FBXL18: variants seen among roughly 807,000 people sequenced by gnomAD.
FBXL18 encodes the protein F-box/LRR-repeat protein 18.
FBXL18 carries 36 observed loss-of-function variants against 46.0 expected under a neutral mutation model. That is an observed-to-expected ratio of 0.78 (90% CI 0.60 to 1.03). The LOEUF (loss-of-function observed/expected upper bound fraction) is 1.03. Among genes scored for constraint, FBXL18 ranks in the 50% least tolerant of loss-of-function variants. The pLI is 0.00. For missense variants in FBXL18, 977 were observed against 1,004.1 expected, an observed-to-expected ratio of 0.97 and a Z score of 0.36; for synonymous variants, 557 against 465.3, an observed-to-expected ratio of 1.20 and a Z score of -2.54.
intron 1 of FBXL18, among the ~76,000 whole-genome samples, chr7:5,510,223 A>T (rs1784494660): frequency 6.6e-6 from 1 of 150,744 alleles, no homozygotes; most frequent in East Asian, 1.9e-4. Flanking sequence ...GAATTGCTTG[A>T]ACCGAGGAGG....
chr7:5,501,599 C>A lies in FBXL18; in HGVS notation c.670G>T (p.Val224Leu). ...SGQLMVGQSN[V>L]PHYQNLRVFY... ...ACCCGCAGGTTCTGGTAGTGCGGCACGTTGCTCTGGCCCACCATAAGCTGG... is the reference window on the plus strand; with the variant it reads ...ACCCGCAGGTTCTGGTAGTGCGGCAAGTTGCTCTGGCCCACCATAAGCTGG... Residue 224 changes from valine to leucine, a missense_variant, in exon 3 of 5, where the codon GTG (valine) becomes TTG (leucine). Transcript: ENST00000382368. 1 of 1,613,858 alleles carries A rather than the reference C, an allele frequency of 6.2e-7. No individual in the cohort carries two copies. Among genetic ancestry groups the A allele is most frequent in the Non-Finnish European group, 8.5e-7 (1 of 1,180,006 alleles).
chr7:5,511,279 A>T (rs1784524371), intron 1 of FBXL18, among the ~76,000 whole-genome samples: 1 of 152,098 alleles, frequency 6.6e-6, no homozygotes, highest in Non-Finnish European at 1.5e-5. Context: ...TACTAAAAAT[A>T]CAAAAAAATT....
At chr7:5,469,669 G>A (rs1009053944) in intron 4 of FBXL18, among the ~76,000 whole-genome samples, 1 of 151,402 alleles carries the variant, frequency 6.6e-6, no homozygotes, top group Admixed American at 6.6e-5. Flanking sequence ...GTGTGTGGAT[G>A]TGAGCGTGGG....
At chr7:5,492,649 T>C (rs1783960534) in intron 3 of FBXL18, among the ~76,000 whole-genome samples, 1 of 151,974 alleles carries the variant, frequency 6.6e-6, no homozygotes, top group South Asian at 2.1e-4. Flanking sequence ...GGAGGATGCA[T>C]CCTGCATGAT....
rs1584236519 is a variant in FBXL18, at chr7:5,501,849, G to A, written c.420C>T (p.Leu140=). ...HLTSLRLSKM[L]SALQHLRSLA... is the part of the protein sequence containing the mutation. ...GCGAGCGCAGGTGCTGCAGGGCCGA[G>A]AGCATCTTGGAGAGGCGCAGGGAAG... Residue 140 remains leucine, a synonymous_variant, in exon 3 of 5, where the codon CTC becomes CTT. Transcript: ENST00000382368. The A allele has an allele frequency of 6.2e-7, 1 of 1,600,108 alleles. No individual in the cohort carries two copies. The highest frequency in any genetic ancestry group is 8.5e-7 in the Non-Finnish European group (1 of 1,174,736).
chr7:5,513,206 AC>A (rs1401516928), intron 1 of FBXL18, among the ~76,000 whole-genome samples: 9 of 151,774 alleles, frequency 5.9e-5, no homozygotes, highest in Non-Finnish European at 1.3e-4. Flanking sequence ...TCCATCACCC[AC>A]CCCCCACGTC....
chr7:5,474,476 C>T (rs1281490670), downstream of FBXL18, among the ~76,000 whole-genome samples: 1 of 151,506 alleles, frequency 6.6e-6, no homozygotes, highest in East Asian at 1.9e-4. Flanking sequence ...CCGCCATGCC[C>T]GGCTAATATT....
rs746714353 is a variant in FBXL18 at position 5,501,642 on chromosome 7, C to T, written c.627G>A (p.Glu209=). 1.9e-6 allele frequency: 3 copies of T among 1,612,920 alleles called. No homozygotes were observed. The East Asian group carries it at 6.7e-5, about 36-fold the overall frequency. The change falls in exon 3 of 5, where the codon GAG becomes GAA. Residue 209 remains glutamate (E), a synonymous_variant. Coordinates refer to ENST00000382368, the MANE Select transcript of FBXL18 (RefSeq NM_024963.6). ...LYFEILDRTR[E]GAILSGQLMV... ...TAAGCTGGCCCGAGAGGATGGCGCCCTCGCGCGTGCGGTCCAGAATCTCGA... is the reference window on the plus strand; with the variant it reads ...TAAGCTGGCCCGAGAGGATGGCGCCTTCGCGCGTGCGGTCCAGAATCTCGA...
chr7:5,457,810 G>T (rs774877540), intron 4 of FBXL18, among the ~76,000 whole-genome samples: 2 of 152,254 alleles, frequency 1.3e-5, no homozygotes, highest in South Asian at 2.1e-4. Context: ...CAGATCTCCA[G>T]GCCACGTTAT....
At chr7:5,469,439 T>C (rs1783394238) in intron 4 of FBXL18, among the ~76,000 whole-genome samples, 1 of 152,116 alleles carries the variant, frequency 6.6e-6, no homozygotes, top group African/African-American at 2.4e-5. Context: ...GAATGTGAGT[T>C]ATGTGAGCAT....
intron 3 of FBXL18, among the ~76,000 whole-genome samples, chr7:5,493,012 G>A (rs992817469): frequency 3.9e-5 from 6 of 152,166 alleles, no homozygotes; most frequent in African/African-American, 1.2e-4. Context: ...CCACAGGCAT[G>A]GAGATTCTTC....
rs1238855678 is a variant in FBXL18, at chr7:5,488,124, G to A, written c.2000+3107C>T. ...AAAACGCACCGTCCAACCGGGGAACGCAAAGAGCTTACTGCATCCACCTTA... is the reference window on the plus strand; with the variant it reads ...AAAACGCACCGTCCAACCGGGGAACACAAAGAGCTTACTGCATCCACCTTA... On this transcript the variant is annotated intron_variant, in intron 4 of 4. Transcript: ENST00000382368. Among the ~76,000 whole-genome samples the A allele has an allele frequency of 3.3e-5, 5 of 152,368 alleles. No homozygotes were observed. The East Asian group carries it at 5.8e-4, about 18-fold the overall frequency.
intron 1 of FBXL18, among the ~76,000 whole-genome samples, chr7:5,508,848 C>T (rs1391522477): frequency 1.3e-5 from 2 of 152,084 alleles, no homozygotes; most frequent in Non-Finnish European, 2.9e-5. Flanking sequence ...CATCACAGAG[C>T]TCACGTGGTA....
At chr7:5,508,359 C>T (rs1410679675) in intron 1 of FBXL18, among the ~76,000 whole-genome samples, 1 of 150,856 alleles carries the variant, frequency 6.6e-6, no homozygotes, top group African/African-American at 2.4e-5. Context: ...AGCAGAATTA[C>T]TTGAACCCAG....
chr7:5,462,081 T>G (rs1301097690), intron 4 of FBXL18, among the ~76,000 whole-genome samples: 2 of 151,578 alleles, frequency 1.3e-5, no homozygotes, highest in African/African-American at 4.8e-5. Flanking sequence ...CTACTAAAAT[T>G]AGCTGGCATG....
rs145804601 is a variant in FBXL18, at chr7:5,482,079, C to T, written c.2001-148G>A. ...GACAGACCATGCCTGCCAGAGTCAC[C>T]CTCTAAGTGCCTCAAGGGCCCTGTA... is the stretch of plus-strand genomic sequence containing the variant. On this transcript the variant is annotated intron_variant, in intron 4 of 4. Coordinates refer to ENST00000382368, the MANE Select transcript of FBXL18 (RefSeq NM_024963.6). The T allele has an allele frequency of 4.5e-3, 4,100 of 911,722 alleles. 31 individuals are homozygous for T. The highest frequency in any genetic ancestry group is 0.016 in the Middle Eastern group (45 of 2,852). The allele number at this position is 911,722 out of a possible 1,614,324, so 56.5% of individuals were successfully genotyped here. A position where few individuals can be genotyped will look rare whatever the true frequency, so the allele number is the denominator to read the frequency against.
chr7:5,491,839 T>A (rs1385596773), intron 3 of FBXL18, among the ~76,000 whole-genome samples: 1 of 152,098 alleles, frequency 6.6e-6, no homozygotes, highest in Non-Finnish European at 1.5e-5. Context: ...ACCCCACACA[T>A]GGCCCCTGCC....
intron 4 of FBXL18, among the ~76,000 whole-genome samples, chr7:5,459,284 C>A (rs1207590901): frequency 1.3e-5 from 2 of 152,160 alleles, no homozygotes; most frequent in Non-Finnish European, 2.9e-5. Flanking sequence ...CTTGGCTCAG[C>A]CCCAGTACAG....
At chr7:5,464,132 C>T (rs1783306826) in intron 4 of FBXL18, among the ~76,000 whole-genome samples, 2 of 151,850 alleles carry the variant, frequency 1.3e-5, no homozygotes, top group Non-Finnish European at 2.9e-5. Context: ...GATCACGAGG[C>T]CAGGAGTTCA....
Sources: gnomAD v4.1 joint callset for allele counts (sites outside exome capture counted in the v4.1 genomes callset) on GRCh38, gnomAD v4.1.1 for gene constraint, MANE v1.5 for transcripts, NCBI Gene and HGNC (gene_info 2026-07-23, HGNC 2026-07-21) for gene names.